The following TUBA1C variants were observed in gnomAD, a reference collection of about 807,000 sequenced individuals.
TUBA1C encodes the protein tubulin alpha 1c, also known as tubulin alpha-1C chain.
A neutral mutation model predicts 34.9 loss-of-function variants in TUBA1C; 16 were observed. That is an observed-to-expected ratio of 0.46 (90% CI 0.31 to 0.70). The LOEUF is 0.70. TUBA1C is among the 30% of genes least tolerant of loss of function. The pLI, the probability that TUBA1C is intolerant of heterozygous loss-of-function variation, is 0.05. For synonymous variants in TUBA1C, 177 were observed against 215.9 expected (o/e 0.82, Z 1.58); for missense variants, 329 against 587.3 (o/e 0.56, Z 4.55).
At chr12:49,265,620 G>C (rs1430231610) in intron 1 of TUBA1C, among the ~76,000 whole-genome samples, 1 of 152,178 alleles carries the variant, frequency 6.6e-6, no homozygotes, top group Non-Finnish European at 1.5e-5. Context: ...GCACTTCCTG[G>C]CTCCCCCTCT....
In TUBA1C at chr12:49,273,388, T is replaced by A; in HGVS notation, c.*161T>A. ...GTTAAAGTTGGATGTATGAGGCTGGTAGATGAAACCACCTGAGTCGAGGGT... is the reference window on the plus strand; with the variant it reads ...GTTAAAGTTGGATGTATGAGGCTGGAAGATGAAACCACCTGAGTCGAGGGT... On this transcript the variant is annotated 3_prime_UTR_variant, in exon 4 of 4. Coordinates refer to ENST00000301072, the MANE Select transcript of TUBA1C (RefSeq NM_032704.5). 1 of 1,329,998 alleles carries A rather than the reference T, an allele frequency of 7.5e-7. No homozygotes were observed. The highest frequency in any genetic ancestry group is 1.0e-6 in the Non-Finnish European group (1 of 965,042). 82.4% of individuals were successfully genotyped at this position (1,329,998 alleles called of 1,614,324 possible).
chr12:49,265,018 C>A, upstream of TUBA1C: 1 of 1,078,614 alleles, frequency 9.3e-7, no homozygotes, highest in Non-Finnish European at 1.2e-6. Flanking sequence ...GGTCTGGGGC[C>A]CGCCCTCCCG....
chr12:49,234,036 G>A (rs12824458), intron 1 of TUBA1C: 3 of 152,118 alleles, frequency 2.0e-5, no homozygotes, highest in African/African-American at 4.8e-5. Context: ...GGATGACGGT[G>A]ACGCGCAATA....
chr12:49,250,008 C>T (rs563853896), intron 1 of TUBA1C, among the ~76,000 whole-genome samples: 45 of 151,274 alleles, frequency 3.0e-4, no homozygotes, highest in East Asian at 2.2e-3. Context: ...ACCAGCCTGG[C>T]CCAACGTGGT....
chr12:49,262,720 C>T (rs938047599), upstream of TUBA1C, among the ~76,000 whole-genome samples: 6 of 151,588 alleles, frequency 4.0e-5, no homozygotes, highest in African/African-American at 1.5e-4. Flanking sequence ...GTGGAGGTTG[C>T]AGTGAGCTGA....
chr12:49,264,604 C>T (rs1414657662), upstream of TUBA1C: 2 of 152,064 alleles, frequency 1.3e-5, no homozygotes, highest in Non-Finnish European at 2.9e-5. Context: ...GGGGCGAGGC[C>T]GGGGCGGTGC....
At chr12:49,235,897 A>G (rs1020543588) in intron 1 of TUBA1C, among the ~76,000 whole-genome samples, 6 of 152,134 alleles carry the variant, frequency 3.9e-5, no homozygotes, top group Non-Finnish European at 7.3e-5. Flanking sequence ...AACTCATTTA[A>G]TTTCCTCCAC....
chr12:49,230,031 T>C (rs1159016221), intron 1 of TUBA1C, among the ~76,000 whole-genome samples: 2 of 151,822 alleles, frequency 1.3e-5, no homozygotes, highest in Admixed American at 1.3e-4. Context: ...CGTGATCTGC[T>C]TGCCTTGGCC....
intron 1 of TUBA1C, among the ~76,000 whole-genome samples, chr12:49,268,801 T>C (rs562132024): frequency 6.6e-6 from 1 of 152,280 alleles, no homozygotes; most frequent in Non-Finnish European, 1.5e-5. Flanking sequence ...AGCTTTTGTC[T>C]CCTAAAGAAT....
chr12:49,263,758 T>C (rs1232909338), upstream of TUBA1C, among the ~76,000 whole-genome samples: 1 of 152,170 alleles, frequency 6.6e-6, no homozygotes, highest in East Asian at 1.9e-4. Context: ...AAAAGGCGCT[T>C]CTGAGAAACC....
At chr12:49,259,717 TAAG>T (rs1942823753) in intron 1 of TUBA1C, among the ~76,000 whole-genome samples, 2 of 152,122 alleles carry the variant, frequency 1.3e-5, no homozygotes, top group Non-Finnish European at 2.9e-5. Context: ...TGTACATGAG[TAAG>T]AAGAGACCGG....
chr12:49,273,869 A>G lies in TUBA1C; in HGVS notation c.*642A>G, dbSNP rs546232328. 4 of 155,102 alleles carry G rather than the reference A, an allele frequency of 2.6e-5. No homozygotes were observed. The highest frequency in any genetic ancestry group is 9.6e-5 in the African/African-American group (4 of 41,552). The allele number at this position is 155,102 out of a possible 1,614,324, so 9.6% of individuals were successfully genotyped here. A position where few individuals can be genotyped will look rare whatever the true frequency, so the allele number is the denominator to read the frequency against. ...CACTTCGGGAGGCCAAGTTGGGTGG[A>G]TCACGAGCCCAGGAATTCGAGACCA... On this transcript the variant is annotated 3_prime_UTR_variant, in exon 4 of 4. Transcript: ENST00000301072.
At chr12:49,271,750 T>G (rs2137024525) in intron 3 of TUBA1C, among the ~76,000 whole-genome samples, 1 of 152,284 alleles carries the variant, frequency 6.6e-6, no homozygotes, top group African/African-American at 2.4e-5. Context: ...GGCCTGCCCC[T>G]TAGGACCTCT....
intron 1 of TUBA1C, among the ~76,000 whole-genome samples, chr12:49,266,617 G>A (rs1437611067): frequency 1.3e-5 from 2 of 152,206 alleles, no homozygotes; most frequent in African/African-American, 2.4e-5. Flanking sequence ...GGGAGTCCGA[G>A]GCGGGAGGAC....
chr12:49,244,884 T>A (rs1056655425), intron 1 of TUBA1C, among the ~76,000 whole-genome samples: 1 of 152,128 alleles, frequency 6.6e-6, no homozygotes, highest in African/African-American at 2.4e-5. Flanking sequence ...TCCTCCCAGA[T>A]GCTTGCTCAG....
At chr12:49,249,279 T>G (rs1355353618) in intron 1 of TUBA1C, among the ~76,000 whole-genome samples, 2 of 151,478 alleles carry the variant, frequency 1.3e-5, no homozygotes, top group Admixed American at 6.6e-5. Flanking sequence ...AATACAAAAT[T>G]AGCCGGGTGT....
At chr12:49,242,070 G>C (rs1475209731) in intron 1 of TUBA1C, among the ~76,000 whole-genome samples, 1 of 149,876 alleles carries the variant, frequency 6.7e-6, no homozygotes, top group South Asian at 2.1e-4. Context: ...GCCCACTGCA[G>C]CCTCCGCCTC....
upstream of TUBA1C, among the ~76,000 whole-genome samples, chr12:49,262,432 CA>C (rs781394639): frequency 0.023 from 2,353 of 100,230 alleles, 37 homozygotes; most frequent in African/African-American, 0.063. Flanking sequence ...AGTTTTATAG[CA>C]AAAAAAAAAA....
At chr12:49,229,020 G>C (rs923092740) in intron 1 of TUBA1C, among the ~76,000 whole-genome samples, 5 of 152,196 alleles carry the variant, frequency 3.3e-5, no homozygotes, top group African/African-American at 7.2e-5. Context: ...AGACACAGGA[G>C]ACATTAAATT....
Sources: gnomAD v4.1 joint callset for allele counts (sites outside exome capture counted in the v4.1 genomes callset) on GRCh38, gnomAD v4.1.1 for gene constraint, MANE v1.5 for transcripts, NCBI Gene and HGNC (gene_info 2026-07-23, HGNC 2026-07-21) for gene names.